ATXN1: variants seen among roughly 807,000 people sequenced by gnomAD.
ATXN1 encodes the protein ataxin-1.
A neutral mutation model predicts 56.4 loss-of-function variants in ATXN1; 8 were observed. That is an observed-to-expected ratio of 0.14 (90% CI 0.08 to 0.26). The LOEUF is 0.26. ATXN1 is among the 10% of genes least tolerant of loss of function. The pLI is 1.00. For synonymous variants in ATXN1, 514 were observed against 494.6 expected, an observed-to-expected ratio of 1.04 and a Z score of -0.52; for missense variants, 987 against 1,106.5, an observed-to-expected ratio of 0.89 and a Z score of 1.53.
chr6:16,351,674 A>G, intron 6 of ATXN1, among the ~76,000 whole-genome samples: 1 of 152,204 alleles, frequency 6.6e-6, no homozygotes, highest in Non-Finnish European at 1.5e-5. Context: ...AAGTGTTGGG[A>G]TAACAGGCAT....
Position 16,305,517 on chromosome 6 carries a change from T to A in ATXN1, c.*812A>T, listed in dbSNP as rs917787600. ...CCTCTCCCCCACCCCCAACCCCCCTTACCCCATGTGGGGCCATGACAGCAG... is the reference window on the plus strand; with the variant it reads ...CCTCTCCCCCACCCCCAACCCCCCTAACCCCATGTGGGGCCATGACAGCAG... On this transcript the variant is annotated 3_prime_UTR_variant, in exon 8 of 8. Transcript: ENST00000436367. The A allele has an allele frequency of 4.6e-5, 7 of 152,052 alleles. No individual in the cohort carries two copies. Among genetic ancestry groups the A allele is most frequent in the Admixed American group, 3.9e-4 (6 of 15,244 alleles). 9.4% of individuals were successfully genotyped at this position (152,052 alleles called of 1,614,324 possible). A position where few individuals can be genotyped will look rare whatever the true frequency, so the allele number is the denominator to read the frequency against.
chr6:16,662,088 G>C (rs1280257557), intron 2 of ATXN1, among the ~76,000 whole-genome samples: 8 of 152,156 alleles, frequency 5.3e-5, no homozygotes. Context: ...TTTACAGTGG[G>C]AGAAACTGAG....
At chr6:16,728,302 G>A (rs1257039749) in intron 2 of ATXN1, among the ~76,000 whole-genome samples, 1 of 152,236 alleles carries the variant, frequency 6.6e-6, no homozygotes, top group East Asian at 1.9e-4. Flanking sequence ...GGTTTGGGCT[G>A]AAGCAGCTGG....
At chr6:16,587,778 A>G (rs562886974) in intron 3 of ATXN1, among the ~76,000 whole-genome samples, 56 of 152,046 alleles carry the variant, frequency 3.7e-4, no homozygotes, top group African/African-American at 1.2e-3. Context: ...ACTAAAAAAA[A>G]AAACTAGCCA....
chr6:16,491,090 A>T (rs1268123361), intron 5 of ATXN1, among the ~76,000 whole-genome samples: 7 of 78,314 alleles, frequency 8.9e-5, no homozygotes, highest in East Asian at 4.3e-4. Flanking sequence ...GGATCCCTGG[A>T]TTTTTTTTTT....
intron 3 of ATXN1, among the ~76,000 whole-genome samples, chr6:16,616,447 G>C (rs1295283461): frequency 6.6e-6 from 1 of 151,490 alleles, no homozygotes; most frequent in Non-Finnish European, 1.5e-5. Context: ...GGCTGAGACA[G>C]AAGAATCACT....
intron 6 of ATXN1, among the ~76,000 whole-genome samples, chr6:16,379,556 G>A (rs997531571): frequency 3.9e-5 from 6 of 152,130 alleles, no homozygotes; most frequent in African/African-American, 1.4e-4. Flanking sequence ...ACAGTGCTAT[G>A]CAAGCAGAAA....
intron 2 of ATXN1, among the ~76,000 whole-genome samples, chr6:16,682,331 G>A (rs985484299): frequency 5.3e-5 from 8 of 151,284 alleles, no homozygotes; most frequent in African/African-American, 1.9e-4. Flanking sequence ...CAAGTAGCTG[G>A]GATTACAGGT....
At chr6:16,436,611 AG>A (rs548209826) in intron 6 of ATXN1, among the ~76,000 whole-genome samples, 3 of 152,180 alleles carry the variant, frequency 2.0e-5, no homozygotes, top group African/African-American at 7.2e-5. Flanking sequence ...CAGAAAGAAC[AG>A]AAGGTACCAA....
Position 16,585,771 on chromosome 6 carries a change from G to A in ATXN1, c.-361+9C>T, listed in dbSNP as rs959634077. On this transcript the variant is annotated intron_variant, in intron 4 of 7. Transcript: ENST00000436367. ...ATTATTTTCCTTTAAAGCTTTTGGA[G>A]ATGTTTACCTGTACCATGTGCTTTC... 6.6e-6 allele frequency: 1 copy of A among 152,270 alleles called. No individual in the cohort carries two copies. Among genetic ancestry groups the A allele is most frequent in the East Asian group, 1.9e-4 (1 of 5,192 alleles). 9.4% of individuals were successfully genotyped at this position (152,270 alleles called of 1,614,324 possible). A position where few individuals can be genotyped will look rare whatever the true frequency, so the allele number is the denominator to read the frequency against.
At chr6:16,633,412 C>G (rs535868244) in intron 3 of ATXN1, among the ~76,000 whole-genome samples, 3 of 152,176 alleles carry the variant, frequency 2.0e-5, no homozygotes, top group Non-Finnish European at 2.9e-5. Context: ...AGGGAAAGCC[C>G]TTGAAACAAA....
chr6:16,739,122 T>G (rs554875497), intron 2 of ATXN1: 1 of 150,802 alleles, frequency 6.6e-6, no homozygotes, highest in East Asian at 1.9e-4. Flanking sequence ...TTTGACCCTT[T>G]CCTGACAAAA....
At chr6:16,429,269 C>A (rs1172285865) in intron 6 of ATXN1, among the ~76,000 whole-genome samples, 1 of 151,416 alleles carries the variant, frequency 6.6e-6, no homozygotes, top group African/African-American at 2.4e-5. Context: ...TTTCAAACTC[C>A]TTTTTCCTTA....
intron 4 of ATXN1, among the ~76,000 whole-genome samples, chr6:16,557,976 G>C (rs4716081): frequency 0.051 from 7,795 of 152,316 alleles, 244 homozygotes; most frequent in East Asian, 0.069. Context: ...CAAATCCATA[G>C]AGATAAAACA....
In ATXN1 at chr6:16,327,452, A is replaced by T. The variant is rs1561852384; in HGVS notation, c.859T>A (p.Ser287Thr). The stretch of plus-strand genomic sequence containing the variant: ...TCGGCGTATTGCATGACGACCTGGG[A>T]GGGGGGCCCCAGGGTGAGCGTGTGT... ...IPHTLTLGPP[S>T]QVVMQYADSG... Residue 287 changes from serine to threonine, a missense_variant, in exon 7 of 8, where the codon TCC (serine) becomes ACC (threonine). Physicochemically the swap from Ser to Thr is moderately conservative, Grantham distance 58. Around this residue, in one of 3 missense-constraint regions of ATXN1, gnomAD observed 723 missense variants for 791.7 expected, o/e 0.91. Coordinates refer to ENST00000436367, the MANE Select transcript of ATXN1 (RefSeq NM_001128164.2). 6.2e-7 allele frequency: 1 copy of T among 1,612,886 alleles called. No individual in the cohort carries two copies. The highest frequency in any genetic ancestry group is 2.2e-5 in the East Asian group (1 of 44,832).
At chr6:16,463,321 A>G (rs1223027402) in intron 6 of ATXN1, among the ~76,000 whole-genome samples, 1 of 152,174 alleles carries the variant, frequency 6.6e-6, no homozygotes, top group African/African-American at 2.4e-5. Context: ...AAGTCCCAAC[A>G]TTAACATTAC....
At position 16,511,854 on chromosome 6, in the gene ATXN1, G is replaced by C. The variant is rs1022253999; in HGVS notation, c.-299+10773C>G. Among the ~76,000 whole-genome samples the C allele has an allele frequency of 2.6e-5, 4 of 152,238 alleles. No homozygotes were observed. In the South Asian group the frequency reaches 8.3e-4, roughly 32 times the overall value. On this transcript the variant is annotated intron_variant, in intron 5 of 7. Coordinates refer to ENST00000436367, the MANE Select transcript of ATXN1 (RefSeq NM_001128164.2). ...TCCTCAGTTCTGAGGAGAATGAGCG[G>C]GAAGTGATTGATGGTCAGTCCCAGG...
At chr6:16,425,326 T>C (rs567532840) in intron 6 of ATXN1, among the ~76,000 whole-genome samples, 4 of 152,262 alleles carry the variant, frequency 2.6e-5, no homozygotes, top group Admixed American at 6.5e-5. Flanking sequence ...CACCCACGTG[T>C]ATTACTTTAA....
intron 6 of ATXN1, among the ~76,000 whole-genome samples, chr6:16,434,849 T>G (rs921843096): frequency 6.6e-6 from 1 of 152,168 alleles, no homozygotes; most frequent in South Asian, 2.1e-4. Context: ...ATACCTATTT[T>G]TATATGTAAA....
Sources: gnomAD v4.1 joint callset for allele counts (sites outside exome capture counted in the v4.1 genomes callset) on GRCh38, gnomAD v4.1.1 for gene constraint, gnomAD v4.1.1 regional missense constraint, MANE v1.5 for transcripts, NCBI Gene and HGNC (gene_info 2026-07-23, HGNC 2026-07-21) for gene names.